The following LMNTD1 variants were observed in gnomAD, a reference collection of about 807,000 sequenced individuals.
The protein encoded by LMNTD1 is lamin tail domain-containing protein 1.
In LMNTD1, 35 loss-of-function variants were observed where a neutral mutation model predicts 50.9. The observed-to-expected ratio is 0.69, with a 90% CI of 0.53 to 0.91. LMNTD1 has a LOEUF of 0.91. LMNTD1 is among the 40% of genes least tolerant of loss of function. The pLI is 0.00. For synonymous variants in LMNTD1, 153 were observed against 161.9 expected (o/e 0.94, Z 0.42); for missense variants, 470 against 475.5 (o/e 0.99, Z 0.11).
chr12:25,512,118 G>A (rs1018869150), intron 8 of LMNTD1, among the ~76,000 whole-genome samples: 2 of 152,214 alleles, frequency 1.3e-5, no homozygotes, highest in Admixed American at 6.5e-5. Flanking sequence ...TGAAATAAAA[G>A]AGTAGGAAAT....
Position 25,549,566 on chromosome 12 carries a change from T to TATAA in LMNTD1, c.90-24_90-21dup, listed in dbSNP as rs747391331. On this transcript the variant is annotated intron_variant, in intron 2 of 9. Transcript: ENST00000458174. Reference sequence around the variant, plus strand: ...TCTCTTCTGTGTACAAAAAATATAATATAAATAAATAAATAAGAAAGTAAA... The same window carrying TATAA: ...TCTCTTCTGTGTACAAAAAATATAATATAAATAAATAAATAAATAAGAAAGTAAA... 3.1e-6 allele frequency: 4 copies of TATAA among 1,287,400 alleles called. No individual in the cohort carries two copies. Among genetic ancestry groups the TATAA allele is most frequent in the South Asian group, 3.1e-5 (2 of 64,942 alleles). The allele number at this position is 1,287,400 out of a possible 1,614,324, so 79.7% of individuals were successfully genotyped here.
At chr12:25,639,062 GAA>G (rs1486306692) in intron 1 of LMNTD1, among the ~76,000 whole-genome samples, 1 of 152,080 alleles carries the variant, frequency 6.6e-6, no homozygotes, top group Non-Finnish European at 1.5e-5. Flanking sequence ...CAATTCAAGG[GAA>G]AAAGAGTGGT....
chr12:25,584,850 C>T (rs1247594941), intron 1 of LMNTD1, among the ~76,000 whole-genome samples: 3 of 152,108 alleles, frequency 2.0e-5, no homozygotes, highest in Admixed American at 2.0e-4. Context: ...GAGTGTTTTT[C>T]CATGGCTGAA....
At chr12:25,565,919 A>T (rs1216627547) in intron 1 of LMNTD1, among the ~76,000 whole-genome samples, 1 of 152,026 alleles carries the variant, frequency 6.6e-6, no homozygotes, top group East Asian at 1.9e-4. Context: ...ATGTTATGCC[A>T]CTCTATCCTG....
intron 8 of LMNTD1, among the ~76,000 whole-genome samples, chr12:25,511,033 T>A: frequency 6.6e-6 from 1 of 152,126 alleles, no homozygotes; most frequent in East Asian, 1.9e-4. Context: ...TAGTGACATA[T>A]AAGTGAAACT....
chr12:25,561,770 G>A (rs1431558546), intron 1 of LMNTD1, among the ~76,000 whole-genome samples: 3 of 152,170 alleles, frequency 2.0e-5, no homozygotes, highest in Non-Finnish European at 4.4e-5. Flanking sequence ...TATTCTGTGG[G>A]AGTCTAAGTC....
At chr12:25,537,837 A>C (rs1273982842) in intron 4 of LMNTD1, among the ~76,000 whole-genome samples, 2 of 150,968 alleles carry the variant, frequency 1.3e-5, no homozygotes, top group African/African-American at 4.8e-5. Flanking sequence ...GAAATTTAGA[A>C]GAATGTATAA....
intron 9 of LMNTD1, among the ~76,000 whole-genome samples, chr12:25,498,021 C>G (rs1034320528): frequency 9.2e-5 from 14 of 152,034 alleles, no homozygotes; most frequent in Admixed American, 7.2e-4. Flanking sequence ...AAAGTATGCA[C>G]CATATCTTCC....
Position 25,515,099 on chromosome 12 carries a change from C to T in LMNTD1, c.1189+3696G>A, listed in dbSNP as rs908550458. Reference sequence around the variant, plus strand: ...AGTTTAGGTATGAACCCCAAAGGAACCTTTGTATGTATGCACAAGTAGACT... The same window carrying T: ...AGTTTAGGTATGAACCCCAAAGGAATCTTTGTATGTATGCACAAGTAGACT... On this transcript the variant is annotated intron_variant, in intron 8 of 9. Transcript: ENST00000458174. Among the ~76,000 whole-genome samples, 4 of 151,898 alleles carry T rather than the reference C, an allele frequency of 2.6e-5. No individual in the cohort carries two copies. In the East Asian group the frequency reaches 5.8e-4, roughly 22 times the overall value.
At chr12:25,590,892 G>T (rs1422849716) in intron 1 of LMNTD1, among the ~76,000 whole-genome samples, 1 of 152,184 alleles carries the variant, frequency 6.6e-6, no homozygotes, top group Admixed American at 6.5e-5. Context: ...GCTAACTGAA[G>T]AGCCCTTGGG....
At chr12:25,641,010 G>A (rs1946950637) in intron 1 of LMNTD1, among the ~76,000 whole-genome samples, 1 of 152,094 alleles carries the variant, frequency 6.6e-6, no homozygotes, top group Admixed American at 6.6e-5. Flanking sequence ...TTTCTTTTCT[G>A]TTCATTTACT....
In LMNTD1 at chr12:25,503,816, A is replaced by C. The variant is rs959116827; in HGVS notation, c.1190-16T>G. On this transcript the variant is annotated splice_polypyrimidine_tract_variant and intron_variant, in intron 8 of 9. Transcript: ENST00000458174. Reference sequence around the variant, plus strand: ...TTCTTAGACCCTGAAAATTAAAAAAAATAATTAAAAAAAGGAGAGAGGCTA... The same window carrying C: ...TTCTTAGACCCTGAAAATTAAAAAACATAATTAAAAAAAGGAGAGAGGCTA... 2 of 1,493,112 alleles carry C rather than the reference A, an allele frequency of 1.3e-6. No homozygotes were observed. The highest frequency in any genetic ancestry group is 1.4e-5 in the African/African-American group (1 of 71,358). 92.5% of individuals were successfully genotyped at this position (1,493,112 alleles called of 1,614,324 possible).
At chr12:25,602,856 G>A (rs1946010117) in intron 1 of LMNTD1, among the ~76,000 whole-genome samples, 2 of 151,996 alleles carry the variant, frequency 1.3e-5, no homozygotes, top group African/African-American at 4.8e-5. Flanking sequence ...AATGTTAGTT[G>A]CTCTGGTTTT....
At chr12:25,636,150 A>G (rs1159262899) in intron 1 of LMNTD1, among the ~76,000 whole-genome samples, 1 of 152,240 alleles carries the variant, frequency 6.6e-6, no homozygotes, top group Non-Finnish European at 1.5e-5. Context: ...TAATTAAACT[A>G]AAGAGCTTTT....
chr12:25,614,188 T>A (rs555738277), intron 1 of LMNTD1, among the ~76,000 whole-genome samples: 4 of 152,274 alleles, frequency 2.6e-5, no homozygotes, highest in African/African-American at 9.6e-5. Context: ...CCTCTTTTTT[T>A]TCTGTCTATT....
intron 9 of LMNTD1, among the ~76,000 whole-genome samples, chr12:25,493,427 G>C (rs1468218145): frequency 1.3e-5 from 2 of 152,188 alleles, no homozygotes; most frequent in Non-Finnish European, 2.9e-5. Context: ...GGAATTAAGA[G>C]TTAATTTATA....
upstream of LMNTD1, among the ~76,000 whole-genome samples, chr12:25,555,065 T>TAA (rs766278656): frequency 6.5e-3 from 862 of 133,332 alleles, 7 homozygotes; most frequent in African/African-American, 0.023. Flanking sequence ...TCTCCGTCAT[T>TAA]AAAAAAAAAA....
chr12:25,604,622 G>C (rs150322599), intron 1 of LMNTD1, among the ~76,000 whole-genome samples: 3,755 of 152,052 alleles, frequency 0.025, 49 homozygotes, highest in Middle Eastern at 0.044. Context: ...CCTTGCGATA[G>C]TTTGCTGAGA....
At chr12:25,527,681 T>TATATATATACAC (rs1463259109) in intron 4 of LMNTD1, among the ~76,000 whole-genome samples, 2 of 32,340 alleles carry the variant, frequency 6.2e-5, no homozygotes, top group Non-Finnish European at 1.2e-4. Context: ...TATATATATA[T>TATATATATACAC]ACACACACAC....
Sources: gnomAD v4.1 joint callset for allele counts (sites outside exome capture counted in the v4.1 genomes callset) on GRCh38, gnomAD v4.1.1 for gene constraint, MANE v1.5 for transcripts, NCBI Gene and HGNC (gene_info 2026-07-23, HGNC 2026-07-21) for gene names.